Variants in FRMD6 observed in about 807,000 individuals in gnomAD.
FRMD6 encodes the protein FERM domain-containing protein 6.
FRMD6 carries 37 observed loss-of-function variants against 73.2 expected under a neutral mutation model. That is an observed-to-expected ratio of 0.51 (90% CI 0.39 to 0.66). The LOEUF (loss-of-function observed/expected upper bound fraction) is 0.66, where lower values mean the gene tolerates loss of function less well. Among genes scored for constraint, FRMD6 ranks in the 30% least tolerant of loss-of-function variants. FRMD6 has a pLI of 0.00. For synonymous variants in FRMD6, 273 were observed against 282.2 expected, an observed-to-expected ratio of 0.97 and a Z score of 0.33; for missense variants, 714 against 780.5, an observed-to-expected ratio of 0.91 and a Z score of 1.02.
upstream of FRMD6, among the ~76,000 whole-genome samples, chr14:51,484,439 A>T (rs994765148): frequency 1.3e-4 from 20 of 152,004 alleles, no homozygotes; most frequent in African/African-American, 3.9e-4. Flanking sequence ...GGCCCTGGAA[A>T]CTGTTAACTC....
chr14:51,701,470 A>ATG (rs1896308429), intron 4 of FRMD6, among the ~76,000 whole-genome samples: 1 of 146,278 alleles, frequency 6.8e-6, no homozygotes, highest in Non-Finnish European at 1.5e-5. Context: ...AAGTTCTAAA[A>ATG]TGTATATATA....
chr14:51,678,012 A>G (rs1594715514), intron 1 of FRMD6, among the ~76,000 whole-genome samples: 1 of 152,246 alleles, frequency 6.6e-6, no homozygotes, highest in Middle Eastern at 3.4e-3. Context: ...CACCCATTTC[A>G]CTTTAGGCTC....
At chr14:51,648,799 A>G (rs1892195021), upstream of FRMD6, among the ~76,000 whole-genome samples, 1 of 152,260 alleles carries the variant, frequency 6.6e-6, no homozygotes, top group Non-Finnish European at 1.5e-5. Flanking sequence ...GGAGAACCCA[A>G]TAAATTCATA....
At chr14:51,594,338 A>ATTTTTTTTTTTT (rs869252792) in intron 2 of FRMD6, among the ~76,000 whole-genome samples, 2 of 117,802 alleles carry the variant, frequency 1.7e-5, no homozygotes, top group African/African-American at 5.7e-5. Context: ...TTATTTATTT[A>ATTTTTTTTTTTT]TTTTTTTGAG....
chr14:51,670,212 C>G (rs1214176742), intron 1 of FRMD6, among the ~76,000 whole-genome samples: 1 of 152,038 alleles, frequency 6.6e-6, no homozygotes, highest in Non-Finnish European at 1.5e-5. Flanking sequence ...GTAGCTGGGA[C>G]CACAGGCATG....
upstream of FRMD6, chr14:51,649,527 A>G (rs1285783968): frequency 6.6e-6 from 1 of 152,252 alleles, no homozygotes; most frequent in Non-Finnish European, 1.5e-5. Context: ...TTTCCAAGAT[A>G]GTGATATATT....
chr14:51,423,590 G>A, the FRMD6 span, among the ~76,000 whole-genome samples: 1 of 152,072 alleles, frequency 6.6e-6, no homozygotes, highest in South Asian at 2.1e-4. Flanking sequence ...ACTGGCCCAG[G>A]TGGTTAAACT....
intron 1 of FRMD6, among the ~76,000 whole-genome samples, chr14:51,525,950 G>A (rs1036688311): frequency 1.3e-5 from 2 of 152,302 alleles, no homozygotes; most frequent in Non-Finnish European, 1.5e-5. Context: ...CACCATGAAA[G>A]GGGTGAGCTC....
chr14:51,638,395 T>C (rs1435887000), intron 2 of FRMD6, among the ~76,000 whole-genome samples: 1 of 152,156 alleles, frequency 6.6e-6, no homozygotes, highest in African/African-American at 2.4e-5. Context: ...TACTACTCCA[T>C]TGAGACTGGG....
rs1895428000 is a variant in FRMD6 at position 51,689,952 on chromosome 14, T to C, written c.99+17T>C. The C allele has an allele frequency of 1.4e-6, 2 of 1,481,310 alleles. No homozygotes were observed. The highest frequency in any genetic ancestry group is 1.9e-6 in the Non-Finnish European group (2 of 1,058,752). The allele number at this position is 1,481,310 out of a possible 1,614,324, so 91.8% of individuals were successfully genotyped here. On this transcript the variant is annotated intron_variant, in intron 2 of 13. Transcript: ENST00000344768. ...ATCATAAATGTGAGTAGATCCAGTTTTAGAAATGTCTAAATATTGTGTTTT... is the reference window on the plus strand; with the variant it reads ...ATCATAAATGTGAGTAGATCCAGTTCTAGAAATGTCTAAATATTGTGTTTT...
rs1313073331 is a variant in FRMD6, at chr14:51,728,983, C to A, written c.*954C>A. 6.6e-6 allele frequency: 1 copy of A among 152,128 alleles called. No individual in the cohort carries two copies. Among genetic ancestry groups the A allele is most frequent in the Admixed American group, 6.5e-5 (1 of 15,278 alleles). 9.4% of individuals were successfully genotyped at this position (152,128 alleles called of 1,614,324 possible). On this transcript the variant is annotated 3_prime_UTR_variant, in exon 14 of 14. Transcript: ENST00000344768. ...ATGTGTTTAAAGCTTACTATGTCTT[C>A]ATTTTGGCTTCCATGACTATCTTTT...
At chr14:51,451,383 T>C in the FRMD6 span, among the ~76,000 whole-genome samples, 3 of 152,182 alleles carry the variant, frequency 2.0e-5, no homozygotes, top group Non-Finnish European at 4.4e-5. Flanking sequence ...TGCATATGTA[T>C]ATATATGTAT....
chr14:51,525,045 G>C (rs1478765903), intron 1 of FRMD6, among the ~76,000 whole-genome samples: 1 of 139,298 alleles, frequency 7.2e-6, no homozygotes, highest in Non-Finnish European at 1.5e-5. Flanking sequence ...GAGAAAGAGA[G>C]AGAGAGAGAG....
At chr14:51,470,499 C>CA in the FRMD6 span, among the ~76,000 whole-genome samples, 304 of 143,396 alleles carry the variant, frequency 2.1e-3, 1 homozygote, top group African/African-American at 7.1e-3. Context: ...GACTCCGTCT[C>CA]AAAAAAAACC....
the FRMD6 span, chr14:51,436,596 A>C: frequency 5.1e-6 from 3 of 587,946 alleles, no homozygotes; most frequent in Non-Finnish European, 9.1e-6. Context: ...TTAAACACAG[A>C]ATAAAGCCAG....
chr14:51,497,356 A>G (rs1232427202), intron 1 of FRMD6, among the ~76,000 whole-genome samples: 3 of 151,650 alleles, frequency 2.0e-5, no homozygotes, highest in Non-Finnish European at 4.4e-5. Context: ...TGTTATTTAT[A>G]TAAAACTGTT....
rs1282572104 is a variant in FRMD6, at chr14:51,730,062, A to G, written c.*2033A>G. The G allele has an allele frequency of 6.6e-6, 1 of 152,320 alleles. No homozygotes were observed. Among genetic ancestry groups the G allele is most frequent in the East Asian group, 1.9e-4 (1 of 5,202 alleles). The allele number at this position is 152,320 out of a possible 1,614,324, so 9.4% of individuals were successfully genotyped here. A position where few individuals can be genotyped will look rare whatever the true frequency, so the allele number is the denominator to read the frequency against. The stretch of plus-strand genomic sequence containing the variant: ...TTAAGCCTGGTGAGGTTTGTACTCT[A>G]AGGAGCCCAGATCATAATGCAGTGC... On this transcript the variant is annotated 3_prime_UTR_variant, in exon 14 of 14. Transcript: ENST00000344768.
At chr14:51,491,220 A>G (rs1375317871) in intron 1 of FRMD6, among the ~76,000 whole-genome samples, 2 of 152,204 alleles carry the variant, frequency 1.3e-5, no homozygotes, top group African/African-American at 4.8e-5. Context: ...CACCTGCCCT[A>G]AGAGGCTAAC....
chr14:51,467,087 T>C, the FRMD6 span, among the ~76,000 whole-genome samples: 1 of 152,312 alleles, frequency 6.6e-6, no homozygotes, highest in South Asian at 2.1e-4. Flanking sequence ...CAAAGGTCTC[T>C]GGTTTTCCTA....
Sources: gnomAD v4.1 joint callset for allele counts (sites outside exome capture counted in the v4.1 genomes callset) on GRCh38, gnomAD v4.1.1 for gene constraint, MANE v1.5 for transcripts, NCBI Gene and HGNC (gene_info 2026-07-23, HGNC 2026-07-21) for gene names.